WDR88: variants seen among roughly 807,000 people sequenced by gnomAD.
The protein encoded by WDR88 is WD repeat-containing protein 88.
WDR88 carries 40 observed loss-of-function variants against 46.8 expected under a neutral mutation model. The ratio of observed to expected loss-of-function variants is 0.86; its 90% CI spans 0.66 to 1.11. The LOEUF (loss-of-function observed/expected upper bound fraction) is 1.11. Ranked by LOEUF, WDR88 falls within the 50% of genes most tolerant of loss-of-function variation. WDR88 has a pLI of 0.00. For synonymous variants in WDR88, 235 were observed against 240.7 expected (o/e 0.98, Z 0.22); for missense variants, 562 against 602.4 (o/e 0.93, Z 0.70).
chr19:33,138,385 G>C (rs1973320201), intron 2 of WDR88, among the ~76,000 whole-genome samples: 1 of 150,124 alleles, frequency 6.7e-6, no homozygotes, highest in South Asian at 2.1e-4. Flanking sequence ...GAGAACAAGT[G>C]TTGCCCAGAT....
At chr19:33,163,471 G>A (rs1009017900) in intron 8 of WDR88, among the ~76,000 whole-genome samples, 1 of 152,032 alleles carries the variant, frequency 6.6e-6, no homozygotes, top group African/African-American at 2.4e-5. Flanking sequence ...ACTCCAGCCT[G>A]GGCGACAAGA....
At chr19:33,171,513 C>T (rs906017806) in intron 9 of WDR88, among the ~76,000 whole-genome samples, 2 of 152,092 alleles carry the variant, frequency 1.3e-5, no homozygotes, top group Admixed American at 1.3e-4. Context: ...TCAATGTATC[C>T]ATTTTTTTAT....
chr19:33,133,238 AAGAAAGAAGG>A lies in WDR88; in HGVS notation c.276+802_276+811del, dbSNP rs1379801005. Among the ~76,000 whole-genome samples, 10 of 147,034 alleles carry A rather than the reference AAGAAAGAAGG, an allele frequency of 6.8e-5. No individual in the cohort carries two copies. In the East Asian group the frequency reaches 7.9e-4, roughly 12 times the overall value. On this transcript the variant is annotated intron_variant, in intron 1 of 10. Transcript: ENST00000355868. ...AAAGAAAGAAAGAAAAAGAAAAAGA[AAGAAAGAAGG>A]AGAAAGAAAGAAAAACTGGCTGGGT...
chr19:33,166,006 T>A (rs970768338), intron 9 of WDR88, among the ~76,000 whole-genome samples: 3 of 152,018 alleles, frequency 2.0e-5, no homozygotes, highest in Admixed American at 1.3e-4. Context: ...ATGCCTGTAA[T>A]CCCAGCACTT....
chr19:33,149,355 A>C (rs1973585678), intron 5 of WDR88, among the ~76,000 whole-genome samples: 1 of 151,972 alleles, frequency 6.6e-6, no homozygotes, highest in Non-Finnish European at 1.5e-5. Context: ...AAACAAACAA[A>C]CAAACAAAAA....
chr19:33,139,676 A>C (rs1241362820), intron 2 of WDR88, among the ~76,000 whole-genome samples: 1 of 152,000 alleles, frequency 6.6e-6, no homozygotes, highest in African/African-American at 2.4e-5. Context: ...GGAACAGAGG[A>C]TTTTTTTGAG....
intron 4 of WDR88, among the ~76,000 whole-genome samples, chr19:33,148,511 G>A (rs966778823): frequency 2.0e-5 from 3 of 152,150 alleles, no homozygotes; most frequent in Admixed American, 1.3e-4. Flanking sequence ...CGCCATCGTA[G>A]CTCACTGCAG....
At chr19:33,136,560 A>G (rs1269667920) in intron 1 of WDR88, among the ~76,000 whole-genome samples, 1 of 151,628 alleles carries the variant, frequency 6.6e-6, no homozygotes, top group Non-Finnish European at 1.5e-5. Context: ...TGTGCTATCA[A>G]CTATTTTTAT....
intron 3 of WDR88, among the ~76,000 whole-genome samples, chr19:33,145,611 T>C (rs1973496386): frequency 6.6e-6 from 1 of 151,866 alleles, no homozygotes; most frequent in African/African-American, 2.4e-5. Context: ...CTCGGCTCAT[T>C]GCAACCTCCA....
intron 2 of WDR88, among the ~76,000 whole-genome samples, chr19:33,144,172 G>C (rs989193153): frequency 4.6e-5 from 7 of 152,128 alleles, no homozygotes; most frequent in Non-Finnish European, 1.0e-4. Flanking sequence ...AGTGCGTGCA[G>C]GGGCCTGGAT....
At chr19:33,168,977 G>A (rs115689717) in intron 9 of WDR88, among the ~76,000 whole-genome samples, 28 of 152,270 alleles carry the variant, frequency 1.8e-4, no homozygotes, top group African/African-American at 5.8e-4. Flanking sequence ...CGAGGGTGCC[G>A]AGACCATTCA....
chr19:33,132,507 C>A, intron 1 of WDR88, 62 bp downstream of exon 1: 3 of 1,583,496 alleles, frequency 1.9e-6, no homozygotes, highest in South Asian at 1.1e-5. Context: ...GGAAGGCGCT[C>A]GAGCTGTCGG....
intron 1 of WDR88, among the ~76,000 whole-genome samples, chr19:33,133,657 C>T (rs971533308): frequency 2.6e-5 from 4 of 152,216 alleles, no homozygotes; most frequent in Non-Finnish European, 2.9e-5. Flanking sequence ...CCTGGCTTCC[C>T]AGCATGTTTA....
chr19:33,136,211 A>G (rs1174608174), intron 1 of WDR88, among the ~76,000 whole-genome samples: 1 of 151,920 alleles, frequency 6.6e-6, no homozygotes, highest in Non-Finnish European at 1.5e-5. Context: ...ATGCGCCACC[A>G]TGCCTGGCTA....
intron 8 of WDR88, among the ~76,000 whole-genome samples, chr19:33,161,714 C>T (rs997082387): frequency 6.6e-6 from 1 of 152,142 alleles, no homozygotes; most frequent in African/African-American, 2.4e-5. Flanking sequence ...CCTGTAATCC[C>T]AGCACTTTGG....
At position 33,145,469 on chromosome 19, in the gene WDR88, G is replaced by A. The variant is rs184335678; in HGVS notation, c.476+537G>A. Among the ~76,000 whole-genome samples, 196 of 152,024 alleles carry A rather than the reference G, an allele frequency of 1.3e-3. 1 individual carries two copies. Among genetic ancestry groups the A allele is most frequent in the Admixed American group, 2.4e-3 (36 of 15,244 alleles). ...CTGGCCTGTTTTGTTTTTGAGATAGGGTCTTGCTTTGTCACCCACGCTGTA... is the reference window on the plus strand; with the variant it reads ...CTGGCCTGTTTTGTTTTTGAGATAGAGTCTTGCTTTGTCACCCACGCTGTA... On this transcript the variant is annotated intron_variant, in intron 3 of 10. Transcript: ENST00000355868.
At chr19:33,141,227 G>GTTTTTTGTTTTTTT (rs1973385395) in intron 2 of WDR88, among the ~76,000 whole-genome samples, 1 of 113,430 alleles carries the variant, frequency 8.8e-6, no homozygotes, top group African/African-American at 4.1e-5. Flanking sequence ...GTGGGAGCAT[G>GTTTTTTGTTTTTTT]TTTTTTTTTT....
rs772808209 is a variant in WDR88 at position 33,137,709 on chromosome 19, C to T, written c.309C>T (p.His103=). 65 of 1,613,884 alleles carry T rather than the reference C, an allele frequency of 4.0e-5. No individual in the cohort carries two copies. The highest frequency in any genetic ancestry group is 6.7e-5 in the East Asian group (3 of 44,898). ...IPFKILSGHE[H]AVSTCHFCVD... is the part of the protein sequence containing the mutation. ...TTAAAATTCTGAGTGGGCACGAGCACGCTGTGAGCACCTGCCACTTCTGTG... is the reference window on the plus strand; with the variant it reads ...TTAAAATTCTGAGTGGGCACGAGCATGCTGTGAGCACCTGCCACTTCTGTG... The change falls in exon 2 of 11, where the codon CAC becomes CAT. Residue 103 remains histidine (H), a synonymous_variant. Coordinates refer to ENST00000355868, the MANE Select transcript of WDR88 (RefSeq NM_173479.4).
chr19:33,133,878 GT>G (rs971096212), intron 1 of WDR88, among the ~76,000 whole-genome samples: 9 of 152,176 alleles, frequency 5.9e-5, no homozygotes, highest in Non-Finnish European at 1.2e-4. Context: ...TGTCTCCTCC[GT>G]GCCTCATGCC....
Sources: allele counts gnomAD v4.1 joint callset (sites outside exome capture counted in the v4.1 genomes callset), GRCh38; gene constraint gnomAD v4.1.1; transcripts MANE v1.5; gene names NCBI Gene and HGNC (gene_info 2026-07-23, HGNC 2026-07-21).